TCF12: variants seen among roughly 807,000 people sequenced by gnomAD.
TCF12 encodes the protein DNA-binding protein HTF4.
A neutral mutation model predicts 86.0 loss-of-function variants in TCF12; 45 were observed. The ratio of observed to expected loss-of-function variants is 0.52; its 90% CI spans 0.41 to 0.67. TCF12 has a LOEUF of 0.67. Among genes scored for constraint, TCF12 ranks in the 30% least tolerant of loss-of-function variants. The pLI is 0.00. For missense variants in TCF12, 881 were observed against 859.9 expected (o/e 1.02, Z -0.31); for synonymous variants, 330 against 299.6 (o/e 1.10, Z -1.05).
chr15:57,268,096 T>A (rs2060953852), intron 18 of TCF12, among the ~76,000 whole-genome samples: 1 of 152,228 alleles, frequency 6.6e-6, no homozygotes, highest in African/African-American at 2.4e-5. Context: ...TGCCACCAGT[T>A]AGCTCTGTGA....
chr15:56,949,176 A>G lies in TCF12; in HGVS notation c.148+28078A>G, dbSNP rs534242000. ...TTAGGTGTTCTGAGCTATTTATTGC[A>G]TTGACTTGTTGCATTACTCTGTACG... is the stretch of plus-strand genomic sequence containing the variant. On this transcript the variant is annotated intron_variant, in intron 3 of 20. Transcript: ENST00000333725. 8.5e-5 allele frequency among the ~76,000 whole-genome samples: 13 copies of G among 152,300 alleles called. No homozygotes were observed. In the East Asian group the frequency reaches 2.3e-3, roughly 27 times the overall value.
At chr15:57,146,991 T>C (rs1399161853) in intron 5 of TCF12, among the ~76,000 whole-genome samples, 6 of 152,332 alleles carry the variant, frequency 3.9e-5, no homozygotes, top group African/African-American at 1.2e-4. Flanking sequence ...GCATTTGCCA[T>C]AAAATACCAA....
At chr15:57,015,109 C>T (rs767864363) in intron 3 of TCF12, among the ~76,000 whole-genome samples, 2 of 151,764 alleles carry the variant, frequency 1.3e-5, no homozygotes, top group Middle Eastern at 3.4e-3. Flanking sequence ...GCCAACATGG[C>T]GAAACCCTGT....
intron 8 of TCF12, among the ~76,000 whole-genome samples, chr15:57,224,686 A>T (rs1367322788): frequency 6.6e-6 from 1 of 152,072 alleles, no homozygotes; most frequent in Non-Finnish European, 1.5e-5. Context: ...TTGGAAAGAG[A>T]TATTGGTCCT....
At chr15:57,071,041 T>C (rs1297399660) in intron 4 of TCF12, among the ~76,000 whole-genome samples, 1 of 152,148 alleles carries the variant, frequency 6.6e-6, no homozygotes, top group Non-Finnish European at 1.5e-5. Flanking sequence ...TTCTTAAATG[T>C]TAAAGGTGAA....
At chr15:57,158,667 G>T (rs536634240) in intron 5 of TCF12, among the ~76,000 whole-genome samples, 8 of 152,308 alleles carry the variant, frequency 5.3e-5, no homozygotes, top group African/African-American at 1.9e-4. Flanking sequence ...ATGAGATAAA[G>T]GCTGGGTTAG....
At chr15:57,147,332 G>GAAA (rs1226202540) in intron 5 of TCF12, among the ~76,000 whole-genome samples, 1 of 152,124 alleles carries the variant, frequency 6.6e-6, no homozygotes, top group Non-Finnish European at 1.5e-5. Context: ...TAACCCTTTA[G>GAAA]AGCTATCTTT....
At chr15:57,144,441 A>C (rs77003044) in intron 5 of TCF12, among the ~76,000 whole-genome samples, 1,822 of 152,294 alleles carry the variant, frequency 0.012, 15 homozygotes, top group Middle Eastern at 0.034. Flanking sequence ...GTTTAATGTA[A>C]ATGCTTTTAA....
chr15:57,048,250 G>GT (rs576570489), intron 3 of TCF12, among the ~76,000 whole-genome samples: 1 of 151,516 alleles, frequency 6.6e-6, no homozygotes, highest in Non-Finnish European at 1.5e-5. Context: ...TTGTTTGTTT[G>GT]TTTGTTTTGT....
intron 5 of TCF12, among the ~76,000 whole-genome samples, chr15:57,165,138 G>A (rs12438805): frequency 7.4e-6 from 1 of 135,910 alleles, no homozygotes; most frequent in Non-Finnish European, 1.6e-5. Flanking sequence ...GTATGTCTGT[G>A]TGTGTGTGTG....
chr15:57,150,808 G>GA (rs1465141598), intron 5 of TCF12, among the ~76,000 whole-genome samples: 6 of 151,800 alleles, frequency 4.0e-5, no homozygotes, highest in Admixed American at 3.9e-4. Context: ...TGAATGCTAT[G>GA]AAAAAAACGG....
chr15:57,248,148 G>C (rs2059946756), intron 13 of TCF12: 2 of 701,098 alleles, frequency 2.9e-6, no homozygotes, highest in Non-Finnish European at 5.2e-6. Flanking sequence ...TTTTCCAGAA[G>C]CCTCTTAAAC....
intron 6 of TCF12, among the ~76,000 whole-genome samples, chr15:57,181,626 A>G (rs934799346): frequency 6.6e-6 from 1 of 152,178 alleles, no homozygotes; most frequent in African/African-American, 2.4e-5. Flanking sequence ...TCACCACCAA[A>G]GCTTACACTC....
At chr15:56,973,269 T>C (rs1170805285) in intron 3 of TCF12, among the ~76,000 whole-genome samples, 1 of 152,074 alleles carries the variant, frequency 6.6e-6, no homozygotes, top group Non-Finnish European at 1.5e-5. Flanking sequence ...TATGTATGCA[T>C]GTGTATACAT....
chr15:56,920,807 A>G (rs1298234092), intron 2 of TCF12, among the ~76,000 whole-genome samples: 1 of 152,152 alleles, frequency 6.6e-6, no homozygotes, highest in African/African-American at 2.4e-5. Flanking sequence ...TTCCATGTAA[A>G]TGATCGGGTC....
At chr15:57,053,594 A>G (rs2067784222) in intron 3 of TCF12, among the ~76,000 whole-genome samples, 1 of 151,012 alleles carries the variant, frequency 6.6e-6, no homozygotes, top group Admixed American at 6.6e-5. Context: ...GAACAGAGGT[A>G]AATATAACCT....
intron 5 of TCF12, among the ~76,000 whole-genome samples, chr15:57,137,340 C>A (rs1269195088): frequency 6.6e-6 from 1 of 152,144 alleles, no homozygotes; most frequent in African/African-American, 2.4e-5. Context: ...ACATTTTTCC[C>A]CATGTATTTT....
chr15:56,961,341 C>G (rs554769294), intron 3 of TCF12, among the ~76,000 whole-genome samples: 226 of 152,074 alleles, frequency 1.5e-3, no homozygotes, highest in Non-Finnish European at 2.3e-3. Context: ...GAAAAAATAC[C>G]TAGAAAAAAA....
chr15:57,170,651 ATTATATAAAATAT>A (rs1567557317), intron 6 of TCF12, among the ~76,000 whole-genome samples: 2,022 of 48,334 alleles, frequency 0.042, 54 homozygotes, highest in African/African-American at 0.13. Context: ...TAATATATAT[ATTATATAAAATAT>A]ATATATATAT....
Sources: allele counts gnomAD v4.1 joint callset (sites outside exome capture counted in the v4.1 genomes callset), GRCh38; gene constraint gnomAD v4.1.1; transcripts MANE v1.5; gene names NCBI Gene and HGNC (gene_info 2026-07-23, HGNC 2026-07-21).